Variants in PAPPA2 observed in about 807,000 individuals in gnomAD.
PAPPA2 encodes the protein pappalysin 2.
PAPPA2 carries 86 observed loss-of-function variants against 176.4 expected under a neutral mutation model. The observed-to-expected ratio is 0.49, with a 90% CI of 0.41 to 0.58. PAPPA2 has a LOEUF of 0.58. Ranked by LOEUF, PAPPA2 falls within the 20% of genes least tolerant of loss-of-function variation. PAPPA2 has a pLI of 0.00. For synonymous variants in PAPPA2, 809 were observed against 852.2 expected (o/e 0.95, Z 0.88); for missense variants, 2,073 against 2,256.9 (o/e 0.92, Z 1.65).
Position 176,842,455 on chromosome 1 carries a change from C to G in PAPPA2, c.*1C>G. ...CCCCAAGGCAGAAGAAAATCAGTAA[C>G]TGTGGGAACAAGCCCCTCCCTCCAC... On this transcript the variant is annotated 3_prime_UTR_variant, in exon 23 of 23. Coordinates refer to ENST00000367662, the MANE Select transcript of PAPPA2 (RefSeq NM_020318.3). 1 of 1,612,698 alleles carries G rather than the reference C, an allele frequency of 6.2e-7. No individual in the cohort carries two copies. The highest frequency in any genetic ancestry group is 8.5e-7 in the Non-Finnish European group (1 of 1,179,100).
rs1237802303 is a variant in PAPPA2, at chr1:176,793,575, C to T, written c.5036C>T (p.Pro1679Leu). The T allele has an allele frequency of 1.9e-6, 3 of 1,611,328 alleles. No homozygotes were observed. The highest frequency in any genetic ancestry group is 1.1e-5 in the South Asian group (1 of 90,964). ...GTTCTTTCAGGTGCAGTGTGTTCCC[C>T]ATTGTGTGTAATCCCCCCCAGTGAC... ...QGYGIGAVCSPLCVIPPSDPV... is the reference protein window; with the variant it reads ...QGYGIGAVCSLLCVIPPSDPV... Residue 1679 changes from proline (P) to leucine (L), a missense_variant, in exon 20 of 23, where the codon CCA (proline) becomes CTA (leucine). This residue lies in a region of PAPPA2 where 846 missense variants were observed against 857.9 expected (regional missense o/e 0.99). Transcript: ENST00000367662.
rs765290422 is a variant in PAPPA2 at position 176,557,164 on chromosome 1, A to C, written c.842A>C (p.Glu281Ala). The C allele has an allele frequency of 1.2e-6, 2 of 1,613,800 alleles. No individual in the cohort carries two copies. The highest frequency in any genetic ancestry group is 3.3e-5 in the Admixed American group (2 of 60,000). ...RLLLRPEVLA[E>A]IPREAFTVEA... ...CTGCTGCGTCCAGAAGTGCTGGCTG[A>C]GATTCCCCGGGAGGCGTTCACAGTG... Residue 281 changes from glutamate (E) to alanine (A), a missense_variant, in exon 2 of 23, where the codon GAG becomes GCG. Physicochemically the swap from Glu to Ala is moderately radical, Grantham distance 107. Around this residue, in one of 4 missense-constraint regions of PAPPA2, gnomAD observed 1,196 missense variants for 1,330.4 expected, o/e 0.90. Coordinates refer to ENST00000367662, the MANE Select transcript of PAPPA2 (RefSeq NM_020318.3).
intron 4 of PAPPA2, among the ~76,000 whole-genome samples, chr1:176,680,302 T>C (rs1659519287): frequency 1.3e-5 from 2 of 152,176 alleles, no homozygotes; most frequent in Admixed American, 6.5e-5. Flanking sequence ...GTTTTATAAA[T>C]AGCGAGTGTT....
At chr1:176,647,824 A>T (rs1657495365) in intron 3 of PAPPA2, among the ~76,000 whole-genome samples, 1 of 151,602 alleles carries the variant, frequency 6.6e-6, no homozygotes, top group African/African-American at 2.4e-5. Flanking sequence ...TGCCAGTAAC[A>T]TGCCATTTTG....
intron 21 of PAPPA2, among the ~76,000 whole-genome samples, chr1:176,816,882 C>T (rs761831093): frequency 3.3e-5 from 5 of 152,156 alleles, no homozygotes; most frequent in Non-Finnish European, 5.9e-5. Flanking sequence ...ATTCTTATTT[C>T]ACCTAAAGTC....
chr1:176,725,336 A>G (rs1188874941), intron 12 of PAPPA2, among the ~76,000 whole-genome samples: 1 of 152,100 alleles, frequency 6.6e-6, no homozygotes, highest in Non-Finnish European at 1.5e-5. Context: ...ATTCTATATC[A>G]TGTTTCCAGT....
chr1:176,507,894 T>C (rs1431192940), intron 1 of PAPPA2, among the ~76,000 whole-genome samples: 2 of 151,922 alleles, frequency 1.3e-5, no homozygotes, highest in African/African-American at 4.8e-5. Flanking sequence ...TACCAACATA[T>C]CTAAAGTAAA....
chr1:176,605,805 C>T (rs1346942004), intron 3 of PAPPA2, among the ~76,000 whole-genome samples: 1 of 152,188 alleles, frequency 6.6e-6, no homozygotes, highest in South Asian at 2.1e-4. Flanking sequence ...GCAAATCTCT[C>T]TCAGCTGATG....
intron 10 of PAPPA2, among the ~76,000 whole-genome samples, chr1:176,708,053 G>T (rs1235299527): frequency 1.2e-5 from 1 of 85,878 alleles, no homozygotes; most frequent in East Asian, 2.4e-4. Context: ...CACAACCTCT[G>T]TTAGCATTAT....
chr1:176,625,685 G>C (rs1048019138), intron 3 of PAPPA2, among the ~76,000 whole-genome samples: 23 of 152,134 alleles, frequency 1.5e-4, no homozygotes, highest in Middle Eastern at 3.2e-3. Context: ...AATAGAGTTG[G>C]CATAATTTAC....
chr1:176,495,682 T>G (rs1647569170), intron 1 of PAPPA2, among the ~76,000 whole-genome samples: 1 of 152,194 alleles, frequency 6.6e-6, no homozygotes, highest in South Asian at 2.1e-4. Flanking sequence ...AATATAGGTA[T>G]TGTTTATTAC....
At chr1:176,472,435 C>T (rs1651924140) in intron 1 of PAPPA2, among the ~76,000 whole-genome samples, 1 of 152,102 alleles carries the variant, frequency 6.6e-6, no homozygotes, top group Non-Finnish European at 1.5e-5. Context: ...TCCTAGTAGT[C>T]TTTAATAGCT....
intron 14 of PAPPA2, among the ~76,000 whole-genome samples, chr1:176,754,672 A>T (rs999893801): frequency 2.6e-5 from 4 of 152,250 alleles, no homozygotes; most frequent in African/African-American, 7.2e-5. Flanking sequence ...ATGAATTAAA[A>T]ATGTCACCTA....
At chr1:176,706,842 A>G (rs1487711294) in intron 10 of PAPPA2, among the ~76,000 whole-genome samples, 1 of 152,224 alleles carries the variant, frequency 6.6e-6, no homozygotes, top group Non-Finnish European at 1.5e-5. Context: ...GCACAATCAA[A>G]TGGACTCTAC....
intron 12 of PAPPA2, among the ~76,000 whole-genome samples, chr1:176,736,822 A>G (rs1374256178): frequency 6.6e-6 from 1 of 151,496 alleles, no homozygotes; most frequent in East Asian, 1.9e-4. Flanking sequence ...TATTTTTCAT[A>G]GACTCAATTT....
chr1:176,655,266 G>A (rs1267506218), intron 3 of PAPPA2, among the ~76,000 whole-genome samples: 1 of 151,714 alleles, frequency 6.6e-6, no homozygotes, highest in African/African-American at 2.4e-5. Flanking sequence ...TTTGCTCATG[G>A]TTTTTATCAT....
intron 1 of PAPPA2, among the ~76,000 whole-genome samples, chr1:176,502,443 A>G (rs183151291): frequency 2.2e-4 from 33 of 152,308 alleles, no homozygotes; most frequent in African/African-American, 7.5e-4. Flanking sequence ...GATATGATCA[A>G]TTTTTAATCA....
intron 1 of PAPPA2, among the ~76,000 whole-genome samples, chr1:176,523,805 T>G (rs1179047476): frequency 6.6e-6 from 1 of 152,210 alleles, no homozygotes; most frequent in South Asian, 2.1e-4. Context: ...AAATGGGAGC[T>G]GTAACTGAAT....
Position 176,690,519 on chromosome 1 carries a change from G to C in PAPPA2, c.2431+89G>C, listed in dbSNP as rs140147928. On this transcript the variant is annotated intron_variant, in intron 5 of 22. Transcript: ENST00000367662. Reference sequence around the variant, plus strand: ...GGTGGAGGTGTGGGAGCTGATGGGAGAATGATTAAGTGGTCATTTGTGTCG... The same window carrying C: ...GGTGGAGGTGTGGGAGCTGATGGGACAATGATTAAGTGGTCATTTGTGTCG... 6 of 1,547,466 alleles carry C rather than the reference G, an allele frequency of 3.9e-6. No homozygotes were observed. In the African/African-American group the frequency reaches 6.8e-5, roughly 18 times the overall value.
Sources: gnomAD v4.1 joint callset for allele counts (sites outside exome capture counted in the v4.1 genomes callset) on GRCh38, gnomAD v4.1.1 for gene constraint, gnomAD v4.1.1 regional missense constraint, MANE v1.5 for transcripts, NCBI Gene and HGNC (gene_info 2026-07-23, HGNC 2026-07-21) for gene names.